The following SLC2A7 variants were observed in gnomAD, a reference collection of about 807,000 sequenced individuals.
The protein encoded by SLC2A7 is solute carrier family 2 member 7, also known as solute carrier family 2, facilitated glucose transporter member 7.
A neutral mutation model predicts 50.5 loss-of-function variants in SLC2A7; 50 were observed. The ratio of observed to expected loss-of-function variants is 0.99; its 90% CI spans 0.79 to 1.25. SLC2A7 has a LOEUF of 1.25. SLC2A7 is among the 50% of genes most tolerant of loss of function. The pLI is 0.00. For synonymous variants in SLC2A7, 308 were observed against 300.4 expected (o/e 1.03, Z -0.26); for missense variants, 683 against 679.1 (o/e 1.01, Z -0.06).
At chr1:9,010,786 T>C (rs1033609801) in intron 8 of SLC2A7, among the ~76,000 whole-genome samples, 5 of 152,226 alleles carry the variant, frequency 3.3e-5, no homozygotes, top group Admixed American at 3.3e-4. Flanking sequence ...CCAGACCTCC[T>C]GGATCTTGGC....
chr1:9,015,890 ATT>A (rs61401297), intron 5 of SLC2A7, among the ~76,000 whole-genome samples: 50 of 147,114 alleles, frequency 3.4e-4, no homozygotes, highest in African/African-American at 4.7e-4. Flanking sequence ...CACCTGGCTC[ATT>A]TTTTTTTTTT....
chr1:9,022,716 C>G (rs757450390), intron 3 of SLC2A7, among the ~76,000 whole-genome samples: 13 of 152,202 alleles, frequency 8.5e-5, no homozygotes, highest in African/African-American at 2.4e-4. Context: ...GAATGCTTTT[C>G]CCATGCAACT....
At chr1:9,024,594 T>C (rs1371469018) in intron 2 of SLC2A7, among the ~76,000 whole-genome samples, 1 of 152,116 alleles carries the variant, frequency 6.6e-6, no homozygotes, top group African/African-American at 2.4e-5. Flanking sequence ...CTCTTTTTCC[T>C]TTTTTCCCCT....
intron 10 of SLC2A7, among the ~76,000 whole-genome samples, 158 bp from the exon 11 acceptor site, chr1:9,005,037 G>T (rs962437575): frequency 1.3e-5 from 2 of 152,186 alleles, no homozygotes; most frequent in Non-Finnish European, 2.9e-5. Flanking sequence ...ACAAAACCAG[G>T]GCGTGATCAG....
chr1:9,023,835 C>CTTTTT lies in SLC2A7; in HGVS notation c.151-758_151-757insAAAAA, dbSNP rs1557653846. Among the ~76,000 whole-genome samples the CTTTTT allele has an allele frequency of 2.4e-3, 157 of 65,978 alleles. 16 individuals carry two copies. The highest frequency in any genetic ancestry group is 3.3e-3 in the East Asian group (5 of 1,504). The allele number at this position is 65,978 out of a possible 152,430, so 43.3% of individuals were successfully genotyped here. A position where few individuals can be genotyped will look rare whatever the true frequency, so the allele number is the denominator to read the frequency against. On this transcript the variant is annotated intron_variant, in intron 2 of 11. Transcript: ENST00000400906. Reference sequence around the variant, plus strand: ...CAGAGGCACCATAGGAAATATTCTTCTTCTTTTTTTTTTTTTTTTTTTTTT... The same window carrying CTTTTT: ...CAGAGGCACCATAGGAAATATTCTTCTTTTTTTCTTTTTTTTTTTTTTTTTTTTTT...
chr1:9,014,802 C>T lies in SLC2A7; in HGVS notation c.782G>A (p.Arg261Gln), dbSNP rs12402973. The T allele has an allele frequency of 0.1, 163,488 of 1,602,508 alleles. 8,933 individuals carry two copies. Among genetic ancestry groups the T allele is most frequent in the Admixed American group, 0.16 (9,338 of 58,360 alleles). Residue 261 changes from arginine (R) to glutamine (Q), a missense_variant, in exon 7 of 12, where the codon CGG (arginine) becomes CAG (glutamine). Coordinates refer to ENST00000400906, the MANE Select transcript of SLC2A7 (RefSeq NM_207420.3). ...CAGGTGGCCCTCGGCGCGCTCGGCCCGGGCCTCCGCACGCATGTCCTCCAG... is the reference window on the plus strand; with the variant it reads ...CAGGTGGCCCTCGGCGCGCTCGGCCTGGGCCTCCGCACGCATGTCCTCCAG... ...AELEDMRAEA[R>Q]AERAEGHLSV...
At chr1:9,020,081 T>C (rs1019919843) in intron 3 of SLC2A7, among the ~76,000 whole-genome samples, 1 of 152,210 alleles carries the variant, frequency 6.6e-6, no homozygotes, top group Non-Finnish European at 1.5e-5. Flanking sequence ...TGTTTAAGTC[T>C]GTGGTTGTAG....
rs539784779 is a variant in SLC2A7 at position 9,017,251 on chromosome 1, C to T, written c.589+972G>A. ...AGGAGAACTGCTTGAACCCGGGAAG[C>T]GGAAGTTGCAGTGAGCTGAGATCGC... On this transcript the variant is annotated intron_variant, in intron 5 of 11. Coordinates refer to ENST00000400906, the MANE Select transcript of SLC2A7 (RefSeq NM_207420.3). Among the ~76,000 whole-genome samples the T allele has an allele frequency of 5.9e-4, 90 of 152,172 alleles. 1 individual carries two copies. The highest frequency in any genetic ancestry group is 1.9e-3 in the African/African-American group (79 of 41,502).
At position 9,004,741 on chromosome 1, in the gene SLC2A7, C is replaced by T; in HGVS notation, c.1320+11G>A. 1 of 1,613,548 alleles carries T rather than the reference C, an allele frequency of 6.2e-7. No individual in the cohort carries two copies. The highest frequency in any genetic ancestry group is 2.2e-5 in the East Asian group (1 of 44,868). ...CCGGTGGAGCGGGTTGGGGAAGGGG[C>T]CCTCACTCACCTGGATGGATGGGAA... On this transcript the variant is annotated intron_variant, in intron 11 of 11. Coordinates refer to ENST00000400906, the MANE Select transcript of SLC2A7 (RefSeq NM_207420.3).
At chr1:9,019,543 C>T (rs1024560054) in intron 3 of SLC2A7, among the ~76,000 whole-genome samples, 14 of 152,126 alleles carry the variant, frequency 9.2e-5, no homozygotes, top group Non-Finnish European at 1.9e-4. Context: ...GCAGGAGGGA[C>T]CTCTGGGAGG....
intron 7 of SLC2A7, among the ~76,000 whole-genome samples, chr1:9,014,052 T>C (rs1044348677): frequency 8.5e-5 from 13 of 152,208 alleles, no homozygotes; most frequent in Admixed American, 5.2e-4. Context: ...AAACAGCCCT[T>C]TGAAAGGCCA....
rs144243716 is a variant in SLC2A7, at chr1:9,004,764, G to C, written c.1308C>G (p.Phe436Leu). ...GGCCCTCACTCACCTGGATGGATGG[G>C]AACAGGAAGCCTATGATGAAGTTGG... ...WLTNFIIGFL[F>L]PSIQEAIGAY... is the part of the protein sequence containing the mutation. The change falls in exon 11 of 12, where the codon TTC becomes TTG. Residue 436 changes from phenylalanine to leucine, a missense_variant. Coordinates refer to ENST00000400906, the MANE Select transcript of SLC2A7 (RefSeq NM_207420.3). The C allele has an allele frequency of 3.7e-6, 6 of 1,614,058 alleles. No homozygotes were observed. The African/African-American group carries it at 5.3e-5, about 14-fold the overall frequency.
chr1:9,006,326 C>T (rs975832404), intron 10 of SLC2A7, among the ~76,000 whole-genome samples: 15 of 152,190 alleles, frequency 9.9e-5, no homozygotes, highest in Admixed American at 7.9e-4. Flanking sequence ...TGGATCTTGG[C>T]TTACTGCAAC....
At chr1:9,011,532 G>C (rs541497943) in intron 8 of SLC2A7, among the ~76,000 whole-genome samples, 1 of 151,754 alleles carries the variant, frequency 6.6e-6, no homozygotes, top group South Asian at 2.1e-4. Flanking sequence ...AATAAAAATA[G>C]CCCCCTCCTA....
At chr1:9,011,300 TAGCC>T (rs1640745921) in intron 8 of SLC2A7, among the ~76,000 whole-genome samples, 1 of 152,194 alleles carries the variant, frequency 6.6e-6, no homozygotes, top group African/African-American at 2.4e-5. Flanking sequence ...TTTCCAGCAG[TAGCC>T]ACCTCCTGAT....
the SLC2A7 span, among the ~76,000 whole-genome samples, chr1:8,993,773 G>C: frequency 6.6e-6 from 1 of 152,156 alleles, no homozygotes; most frequent in East Asian, 1.9e-4. Flanking sequence ...GACTACAGGT[G>C]TGCGTCACCA....
At chr1:9,000,456 T>G (rs1229324487), downstream of SLC2A7, among the ~76,000 whole-genome samples, 1 of 151,876 alleles carries the variant, frequency 6.6e-6, no homozygotes, top group African/African-American at 2.4e-5. Context: ...CCATCTCTAC[T>G]AAAAATACAA....
intron 5 of SLC2A7, among the ~76,000 whole-genome samples, chr1:9,017,336 A>G (rs996233916): frequency 1.3e-5 from 2 of 151,796 alleles, no homozygotes; most frequent in African/African-American, 4.8e-5. Flanking sequence ...ACAACAACAA[A>G]ACAACAACAA....
chr1:9,008,555 C>T lies in SLC2A7; in HGVS notation c.1117-1170G>A, dbSNP rs943941558. ...AGGTGGCGCTCAGTCGTGCTCACCT[C>T]TTTTCACTTCCTAGAATCCCTAAAG... On this transcript the variant is annotated intron_variant, in intron 9 of 11. Coordinates refer to ENST00000400906, the MANE Select transcript of SLC2A7 (RefSeq NM_207420.3). The surrounding 1 kb of genome is among the most constrained non-coding windows in gnomAD (Gnocchi z 5.9). Among the ~76,000 whole-genome samples the T allele has an allele frequency of 1.3e-5, 2 of 151,058 alleles. No individual in the cohort carries two copies. Among genetic ancestry groups the T allele is most frequent in the Non-Finnish European group, 2.9e-5 (2 of 67,914 alleles).
Sources: allele counts gnomAD v4.1 joint callset (sites outside exome capture counted in the v4.1 genomes callset), GRCh38; gene constraint gnomAD v4.1.1; non-coding constraint Gnocchi (gnomAD v3.1); transcripts MANE v1.5; gene names NCBI Gene and HGNC (gene_info 2026-07-23, HGNC 2026-07-21).